Variants in CHSY3 observed in about 807,000 individuals in gnomAD.
CHSY3 encodes the protein chondroitin sulfate synthase 3.
Under a neutral mutation model 67.2 loss-of-function variants are expected in CHSY3, and 35 were observed. That is an observed-to-expected ratio of 0.52 (90% CI 0.40 to 0.69). CHSY3 has a LOEUF of 0.69. CHSY3 is among the 30% of genes least tolerant of loss of function. The pLI, the probability that CHSY3 is intolerant of heterozygous loss-of-function variation, is 0.00. For synonymous variants in CHSY3, 474 were observed against 434.7 expected (o/e 1.09, Z -1.12); for missense variants, 1,069 against 1,138.5 (o/e 0.94, Z 0.88).
intron 2 of CHSY3, among the ~76,000 whole-genome samples, chr5:130,025,105 T>C (rs1764503282): frequency 7.0e-6 from 1 of 142,104 alleles, no homozygotes; most frequent in African/African-American, 2.7e-5. Context: ...TAAAACTTAT[T>C]TTCAGTGTTG....
chr5:130,163,896 A>T (rs1769643033), intron 2 of CHSY3, among the ~76,000 whole-genome samples: 1 of 152,242 alleles, frequency 6.6e-6, no homozygotes, highest in Non-Finnish European at 1.5e-5. Flanking sequence ...CAGAGGATGC[A>T]TCTATATGAT....
intron 2 of CHSY3, among the ~76,000 whole-genome samples, chr5:130,058,500 G>A (rs1490948445): frequency 6.6e-6 from 1 of 152,086 alleles, no homozygotes; most frequent in Non-Finnish European, 1.5e-5. Context: ...GGTGGCATGT[G>A]CCTGTAATCC....
rs745546265 is a variant in CHSY3, at chr5:130,185,092, G to A, written c.1950G>A (p.Gln650=). ...AAAACATGTGTCTTATCCCAAAGCA[G>A]AATGTAAAGTTGGTCATTATCCTTT... ...NFENMCLIPK[Q]NVKLVIILFS... is the part of the protein sequence containing the mutation. The change falls in exon 3 of 3, where the codon CAG becomes CAA. Residue 650 remains glutamine (Q), a synonymous_variant. Transcript: ENST00000305031. 1 of 1,602,394 alleles carries A rather than the reference G, an allele frequency of 6.2e-7. No individual in the cohort carries two copies. Among genetic ancestry groups the A allele is most frequent in the South Asian group, 1.1e-5 (1 of 90,802 alleles).
chr5:130,146,412 A>G (rs1020027367), intron 2 of CHSY3, among the ~76,000 whole-genome samples: 3 of 152,162 alleles, frequency 2.0e-5, no homozygotes, highest in African/African-American at 4.8e-5. Context: ...GATGTTATCA[A>G]ACATACCAGA....
chr5:130,186,456 A>ATAAATGCGAATGAAC lies in CHSY3; in HGVS notation c.*667_*681dup, dbSNP rs1252779828. ...TATGAGCTCCTCACAACTGTCTGCT[A>ATAAATGCGAATGAAC]TAAATGCGAATGAACTTTATTTTCT... On this transcript the variant is annotated 3_prime_UTR_variant, in exon 3 of 3. Coordinates refer to ENST00000305031, the MANE Select transcript of CHSY3 (RefSeq NM_175856.5). 2 of 152,738 alleles carry ATAAATGCGAATGAAC rather than the reference A, an allele frequency of 1.3e-5. No individual in the cohort carries two copies. The highest frequency in any genetic ancestry group is 2.9e-5 in the Non-Finnish European group (2 of 68,028). The allele number at this position is 152,738 out of a possible 1,614,324, so 9.5% of individuals were successfully genotyped here. A position where few individuals can be genotyped will look rare whatever the true frequency, so the allele number is the denominator to read the frequency against.
chr5:129,961,595 T>G (rs533034238), intron 2 of CHSY3, among the ~76,000 whole-genome samples: 1 of 152,108 alleles, frequency 6.6e-6, no homozygotes, highest in Admixed American at 6.6e-5. Context: ...TTTCTGATTT[T>G]AAACACTACC....
chr5:130,076,304 T>C (rs1766248600), intron 2 of CHSY3, among the ~76,000 whole-genome samples: 1 of 151,874 alleles, frequency 6.6e-6, no homozygotes, highest in Non-Finnish European at 1.5e-5. Context: ...CTGAATCTTT[T>C]TTCTTTCTTT....
At chr5:130,180,335 T>G (rs1462563509) in intron 2 of CHSY3, among the ~76,000 whole-genome samples, 7 of 152,198 alleles carry the variant, frequency 4.6e-5, no homozygotes, top group Non-Finnish European at 1.0e-4. Flanking sequence ...TATTCCCTAT[T>G]GTTTTCTAAA....
chr5:130,153,769 GCT>G (rs1769295984), intron 2 of CHSY3, among the ~76,000 whole-genome samples: 1 of 152,118 alleles, frequency 6.6e-6, no homozygotes, highest in South Asian at 2.1e-4. Context: ...TTCTTGGCAA[GCT>G]CTTAGTTTTA....
In CHSY3 at chr5:130,072,378, G is replaced by A. The variant is rs115052351; in HGVS notation, c.1087-111851G>A. Among the ~76,000 whole-genome samples, 1,436 of 152,152 alleles carry A rather than the reference G, an allele frequency of 9.4e-3. 20 individuals are homozygous for A. The highest frequency in any genetic ancestry group is 0.032 in the African/African-American group (1,348 of 41,524). ...ATTCTAATGTCATTCTTCGGCATGT[G>A]GATATCCAGTTTTCCCAGCATCATT... On this transcript the variant is annotated intron_variant, in intron 2 of 2. Transcript: ENST00000305031.
intron 2 of CHSY3, among the ~76,000 whole-genome samples, chr5:130,087,619 T>G (rs1296586886): frequency 6.6e-6 from 1 of 151,888 alleles, no homozygotes; most frequent in South Asian, 2.1e-4. Flanking sequence ...CATTCACAAT[T>G]GCTTCAAAGA....
Position 130,160,901 on chromosome 5 carries a change from T to A in CHSY3, c.1087-23328T>A, listed in dbSNP as rs201903158. ...CATTTTTATTTATTTATTTATTTTTTTTTTTTTATTTTTTTTTTTTTGAGA... is the reference window on the plus strand; with the variant it reads ...CATTTTTATTTATTTATTTATTTTTATTTTTTTATTTTTTTTTTTTTGAGA... On this transcript the variant is annotated intron_variant, in intron 2 of 2. Coordinates refer to ENST00000305031, the MANE Select transcript of CHSY3 (RefSeq NM_175856.5). 7.2e-3 allele frequency among the ~76,000 whole-genome samples: 1,038 copies of A among 144,198 alleles called. 17 individuals carry two copies. The highest frequency in any genetic ancestry group is 0.025 in the African/African-American group (975 of 38,542). 94.6% of individuals were successfully genotyped at this position (144,198 alleles called of 152,430 possible).
At chr5:130,004,182 G>A (rs929761214) in intron 2 of CHSY3, among the ~76,000 whole-genome samples, 1 of 152,108 alleles carries the variant, frequency 6.6e-6, no homozygotes, top group African/African-American at 2.4e-5. Flanking sequence ...ATGCAGAAAG[G>A]AAGTTGTTTC....
intron 2 of CHSY3, among the ~76,000 whole-genome samples, chr5:129,962,885 G>A (rs561226088): frequency 2.0e-5 from 3 of 152,122 alleles, no homozygotes; most frequent in East Asian, 3.9e-4. Context: ...CACATGGGTT[G>A]TGATGTAGGC....
At chr5:129,923,769 G>A (rs1408343039) in intron 2 of CHSY3, among the ~76,000 whole-genome samples, 2 of 152,176 alleles carry the variant, frequency 1.3e-5, no homozygotes, top group Non-Finnish European at 2.9e-5. Flanking sequence ...AAAACGGGAT[G>A]AGAGAGGAAA....
At chr5:129,935,375 A>G (rs56172779) in intron 2 of CHSY3, among the ~76,000 whole-genome samples, 3,513 of 152,274 alleles carry the variant, frequency 0.023, 125 homozygotes, top group African/African-American at 0.08. Flanking sequence ...GAGTCGCTAC[A>G]GGGCCTTACC....
intron 2 of CHSY3, among the ~76,000 whole-genome samples, chr5:130,120,181 GGA>G (rs1262118068): frequency 6.6e-6 from 1 of 152,070 alleles, no homozygotes; most frequent in South Asian, 2.1e-4. Context: ...CCATTTATAG[GGA>G]GAGTCTTCCA....
At chr5:130,128,652 T>C (rs767961396) in intron 2 of CHSY3, among the ~76,000 whole-genome samples, 12 of 152,204 alleles carry the variant, frequency 7.9e-5, no homozygotes, top group African/African-American at 1.9e-4. Context: ...GTACATCTTA[T>C]AGTAAGTGTT....
At chr5:129,938,415 A>G (rs1388224887) in intron 2 of CHSY3, among the ~76,000 whole-genome samples, 2 of 152,226 alleles carry the variant, frequency 1.3e-5, no homozygotes, top group Non-Finnish European at 2.9e-5. Flanking sequence ...ATTTCTCCCC[A>G]GAAAATGAGT....
Sources: allele counts gnomAD v4.1 joint callset (sites outside exome capture counted in the v4.1 genomes callset), GRCh38; gene constraint gnomAD v4.1.1; transcripts MANE v1.5; gene names NCBI Gene and HGNC (gene_info 2026-07-23, HGNC 2026-07-21).